Variants in MACROD2 observed in about 807,000 individuals in gnomAD.
MACROD2 encodes ADP-ribose glycohydrolase MACROD2.
Under a neutral mutation model 70.4 loss-of-function variants are expected in MACROD2, and 36 were observed. The observed-to-expected ratio is 0.51, with a 90% CI of 0.39 to 0.68. The LOEUF (loss-of-function observed/expected upper bound fraction) is 0.68, where lower values mean the gene tolerates loss of function less well. MACROD2 is among the 30% of genes least tolerant of loss of function. MACROD2 has a pLI of 0.00. For missense variants in MACROD2, 496 were observed against 538.4 expected, an observed-to-expected ratio of 0.92 and a Z score of 0.78; for synonymous variants, 172 against 178.8, an observed-to-expected ratio of 0.96 and a Z score of 0.30.
At chr20:14,869,235 A>G (rs1005301398) in intron 5 of MACROD2, among the ~76,000 whole-genome samples, 1 of 152,168 alleles carries the variant, frequency 6.6e-6, no homozygotes, top group African/African-American at 2.4e-5. Flanking sequence ...AGTAGAAAAA[A>G]TAATTTGAAT....
chr20:15,584,266 T>C (rs2048566259), intron 8 of MACROD2, among the ~76,000 whole-genome samples: 1 of 152,192 alleles, frequency 6.6e-6, no homozygotes, highest in African/African-American at 2.4e-5. Context: ...CAGTCTATTC[T>C]TACAGAAGCA....
chr20:15,308,210 T>A (rs1419683473), intron 6 of MACROD2, among the ~76,000 whole-genome samples: 1 of 152,198 alleles, frequency 6.6e-6, no homozygotes, highest in Non-Finnish European at 1.5e-5. Context: ...ATATCCTGTT[T>A]GTCATCAAAC....
chr20:15,606,280 G>A (rs2048891932), intron 8 of MACROD2, among the ~76,000 whole-genome samples: 1 of 152,104 alleles, frequency 6.6e-6, no homozygotes, highest in Non-Finnish European at 1.5e-5. Context: ...GACTTCTCTA[G>A]GCAAATCTAA....
At chr20:14,678,723 G>T (rs1211844722) in intron 4 of MACROD2, among the ~76,000 whole-genome samples, 1 of 152,072 alleles carries the variant, frequency 6.6e-6, no homozygotes, top group Admixed American at 6.6e-5. Flanking sequence ...TCAGCCTGCT[G>T]TCTTTTTATT....
chr20:15,126,342 T>C (rs916628286), intron 5 of MACROD2, among the ~76,000 whole-genome samples: 1 of 152,016 alleles, frequency 6.6e-6, no homozygotes, highest in African/African-American at 2.4e-5. Context: ...CCCGCATGGT[T>C]GCCAACACTT....
At chr20:14,223,257 A>T (rs1001260721) in intron 3 of MACROD2, 1 of 152,268 alleles carries the variant, frequency 6.6e-6, no homozygotes, top group Non-Finnish European at 1.5e-5. Context: ...CAAAACTCCC[A>T]TGCTGATCTG....
At chr20:14,163,482 A>G (rs1349034585) in intron 3 of MACROD2, among the ~76,000 whole-genome samples, 1 of 151,958 alleles carries the variant, frequency 6.6e-6, no homozygotes, top group African/African-American at 2.4e-5. Flanking sequence ...CTGAATCTGG[A>G]TGTCTAAATC....
intron 5 of MACROD2, among the ~76,000 whole-genome samples, chr20:15,072,340 T>C (rs942907393): frequency 1.5e-4 from 23 of 152,194 alleles, no homozygotes; most frequent in Non-Finnish European, 2.8e-4. Context: ...AATTTTTGTA[T>C]GGTTAATCCA....
chr20:15,312,043 A>G (rs988224891), intron 6 of MACROD2, among the ~76,000 whole-genome samples: 7 of 152,218 alleles, frequency 4.6e-5, no homozygotes, highest in African/African-American at 1.7e-4. Flanking sequence ...AACAAAAAAA[A>G]TTAAAGAGAG....
At chr20:15,176,576 C>T (rs892367164) in intron 5 of MACROD2, among the ~76,000 whole-genome samples, 1 of 152,122 alleles carries the variant, frequency 6.6e-6, no homozygotes, top group Non-Finnish European at 1.5e-5. Flanking sequence ...TTAGGGATGA[C>T]CTGCTTGTGG....
chr20:14,077,024 T>C (rs2053924163), intron 2 of MACROD2, among the ~76,000 whole-genome samples: 1 of 152,208 alleles, frequency 6.6e-6, no homozygotes, highest in Non-Finnish European at 1.5e-5. Flanking sequence ...TATAATACTT[T>C]CCTAATAAAT....
At chr20:14,631,487 C>T (rs1464547802) in intron 4 of MACROD2, among the ~76,000 whole-genome samples, 1 of 152,030 alleles carries the variant, frequency 6.6e-6, no homozygotes, top group African/African-American at 2.4e-5. Flanking sequence ...TAAGAAAAAC[C>T]GGGCCGGGCA....
chr20:14,930,766 TAAAAA>T (rs11474347), intron 5 of MACROD2, among the ~76,000 whole-genome samples: 11 of 71,648 alleles, frequency 1.5e-4, no homozygotes, highest in Admixed American at 2.3e-4. Context: ...GAGCGTGTCT[TAAAAA>T]AAAAAAAAAA....
chr20:14,523,522 C>A (rs1183664698), intron 4 of MACROD2: 1 of 152,200 alleles, frequency 6.6e-6, no homozygotes, highest in African/African-American at 2.4e-5. Flanking sequence ...GGGGACTCAA[C>A]TATCTCTAAA....
chr20:15,243,447 G>A lies in MACROD2; in HGVS notation c.540+13386G>A, dbSNP rs78094737. Among the ~76,000 whole-genome samples, 1,258 of 152,254 alleles carry A rather than the reference G, an allele frequency of 8.3e-3. 16 individuals are homozygous for A. The highest frequency in any genetic ancestry group is 0.029 in the African/African-American group (1,196 of 41,544). ...AGAGCAGAGTCATTTTGATCTACAT[G>A]CACACAGTAGAATCGAAGGAAACAG... is the stretch of plus-strand genomic sequence containing the variant. On this transcript the variant is annotated intron_variant, in intron 6 of 17. Coordinates refer to ENST00000684519, the MANE Select transcript of MACROD2 (RefSeq NM_001351661.2).
At chr20:15,523,401 A>G (rs1182126635) in intron 8 of MACROD2, among the ~76,000 whole-genome samples, 2 of 152,218 alleles carry the variant, frequency 1.3e-5, no homozygotes, top group African/African-American at 4.8e-5. Context: ...AGTCAAGGTC[A>G]GTGGCTAAAG....
At chr20:15,450,034 C>A (rs2146391422) in intron 7 of MACROD2, among the ~76,000 whole-genome samples, 1 of 152,142 alleles carries the variant, frequency 6.6e-6, no homozygotes, top group East Asian at 1.9e-4. Flanking sequence ...TAAACACACA[C>A]AACAGATATT....
chr20:15,109,422 G>T (rs1226308888), intron 5 of MACROD2, among the ~76,000 whole-genome samples: 4 of 152,144 alleles, frequency 2.6e-5, no homozygotes, highest in Non-Finnish European at 5.9e-5. Flanking sequence ...GATGCAGATT[G>T]TCCAATCAGT....
At chr20:15,419,381 G>A (rs1159077785) in intron 6 of MACROD2, among the ~76,000 whole-genome samples, 1 of 152,300 alleles carries the variant, frequency 6.6e-6, no homozygotes, top group African/African-American at 2.4e-5. Context: ...GGCAGTTGCT[G>A]TGAGGGGGGC....
Sources: gnomAD v4.1 joint callset for allele counts (sites outside exome capture counted in the v4.1 genomes callset) on GRCh38, gnomAD v4.1.1 for gene constraint, MANE v1.5 for transcripts, NCBI Gene and HGNC (gene_info 2026-07-23, HGNC 2026-07-21) for gene names.